GPHN: variants seen among roughly 807,000 people sequenced by gnomAD.
The protein encoded by GPHN is gephyrin.
Under a neutral mutation model 95.5 loss-of-function variants are expected in GPHN, and 17 were observed. The observed-to-expected ratio is 0.18, with a 90% CI of 0.12 to 0.27. The LOEUF is 0.27. GPHN is among the 10% of genes least tolerant of loss of function. The pLI, the probability that GPHN is intolerant of heterozygous loss-of-function variation, is 1.00. For synonymous variants in GPHN, 320 were observed against 322.5 expected (o/e 0.99, Z 0.08); for missense variants, 660 against 978.1 (o/e 0.67, Z 4.34).
chr14:67,381,568 A>C, the GPHN span: 1 of 1,590,026 alleles, frequency 6.3e-7, no homozygotes, highest in East Asian at 2.2e-5. Context: ...ATTTTTTATC[A>C]ACTTTTGAAT....
At chr14:66,760,677 T>C in intron 2 of GPHN, 1 of 433,434 alleles carries the variant, frequency 2.3e-6, no homozygotes, top group Non-Finnish European at 4.4e-6. Context: ...CCTCGCAAAG[T>C]TAGGTGAACC....
intron 9 of GPHN, among the ~76,000 whole-genome samples, chr14:67,009,770 T>A (rs1283208943): frequency 6.6e-6 from 1 of 152,050 alleles, no homozygotes; most frequent in East Asian, 1.9e-4. Context: ...TTTTTATTTG[T>A]TTCGTTTCTC....
rs568644192 is a variant in GPHN, at chr14:67,112,613, T to C, written c.1473-405T>C. On this transcript the variant is annotated intron_variant, in intron 15 of 22. Transcript: ENST00000478722. The stretch of plus-strand genomic sequence containing the variant: ...ATTCTCCTTGACAAAGCTAGCCAGC[T>C]GTGGACCTCTTATCATTAATGCCGC... 3.9e-5 allele frequency among the ~76,000 whole-genome samples: 6 copies of C among 152,306 alleles called. 1 individual carries two copies. The South Asian group carries it at 1.2e-3, about 32-fold the overall frequency.
chr14:67,697,170 G>T, the GPHN span, among the ~76,000 whole-genome samples: 3 of 152,182 alleles, frequency 2.0e-5, no homozygotes, highest in African/African-American at 7.2e-5. Context: ...TGCTCGCCCG[G>T]AGTTCATGGA....
At chr14:66,915,910 A>G (rs1019467710) in intron 5 of GPHN, 93 bp from the exon 6 acceptor site, 2 of 788,024 alleles carry the variant, frequency 2.5e-6, no homozygotes, top group Admixed American at 1.8e-5. Context: ...AGTTGTTCAC[A>G]TGTAAAGTAA....
At chr14:67,253,818 GC>G in the GPHN span, among the ~76,000 whole-genome samples, 1 of 151,138 alleles carries the variant, frequency 6.6e-6, no homozygotes, top group South Asian at 2.1e-4. Flanking sequence ...TTCAGTCTGG[GC>G]AACAGTGAGA....
the GPHN span, among the ~76,000 whole-genome samples, chr14:67,324,896 C>CCT: frequency 8.7e-6 from 1 of 114,454 alleles, no homozygotes; most frequent in Non-Finnish European, 1.7e-5. Flanking sequence ...GCCTTCCTTT[C>CCT]ATTTTTTTTT....
At chr14:67,345,911 A>G in the GPHN span, 1 of 1,291,458 alleles carries the variant, frequency 7.7e-7, no homozygotes, top group South Asian at 1.2e-5. Context: ...ATTAGAGTAA[A>G]ATATCTTCCC....
chr14:66,564,961 G>A (rs1412618407), intron 1 of GPHN, among the ~76,000 whole-genome samples: 1 of 152,118 alleles, frequency 6.6e-6, no homozygotes, highest in Non-Finnish European at 1.5e-5. Flanking sequence ...GGACTAGCAT[G>A]TATTTATGTT....
At chr14:66,974,426 T>C (rs970337766) in intron 9 of GPHN, among the ~76,000 whole-genome samples, 3 of 152,054 alleles carry the variant, frequency 2.0e-5, no homozygotes, top group Non-Finnish European at 4.4e-5. Flanking sequence ...TCCCCATCTA[T>C]TTCTAATTAT....
At chr14:67,558,221 C>T in the GPHN span, among the ~76,000 whole-genome samples, 1 of 152,188 alleles carries the variant, frequency 6.6e-6, no homozygotes, top group Non-Finnish European at 1.5e-5. Context: ...GCTTTCCCCT[C>T]GTGCCAGAAT....
At position 66,598,333 on chromosome 14, in the gene GPHN, T is replaced by G. The variant is rs74971704; in HGVS notation, c.65-82774T>G. On this transcript the variant is annotated intron_variant, in intron 1 of 22. Transcript: ENST00000478722. ...TAATGTATATGTTAAATAGCTTGATTTAGCCATTCTACAGGTATCAAAGCA... is the reference window on the plus strand; with the variant it reads ...TAATGTATATGTTAAATAGCTTGATGTAGCCATTCTACAGGTATCAAAGCA... 2.6e-5 allele frequency among the ~76,000 whole-genome samples: 4 copies of G among 152,266 alleles called. No homozygotes were observed. In the East Asian group the frequency reaches 7.7e-4, roughly 29 times the overall value.
the GPHN span, among the ~76,000 whole-genome samples, chr14:67,231,969 TAA>T: frequency 7.1e-5 from 10 of 140,596 alleles, no homozygotes; most frequent in Non-Finnish European, 6.3e-5. Flanking sequence ...ACTGTGTCTT[TAA>T]AAAAAAAAAA....
chr14:67,248,023 C>T, the GPHN span, among the ~76,000 whole-genome samples: 1 of 152,206 alleles, frequency 6.6e-6, no homozygotes, highest in Non-Finnish European at 1.5e-5. Flanking sequence ...TTTTTTAAAT[C>T]ATGAATAGAT....
the GPHN span, chr14:67,692,107 C>T: frequency 9.8e-6 from 2 of 205,014 alleles, no homozygotes; most frequent in African/African-American, 2.4e-5. Context: ...AGCTCCAGCT[C>T]TCAAAGGCCT....
At chr14:67,562,357 C>A in the GPHN span, 1 of 1,613,742 alleles carries the variant, frequency 6.2e-7, no homozygotes, top group Non-Finnish European at 8.5e-7. Flanking sequence ...CTAGTTCCAG[C>A]ACGGTCCATT....
At chr14:66,720,343 C>T (rs552662264) in intron 2 of GPHN, among the ~76,000 whole-genome samples, 1 of 152,218 alleles carries the variant, frequency 6.6e-6, no homozygotes, top group Admixed American at 6.5e-5. Context: ...CACATGAGAC[C>T]AAGAGTTCGA....
intron 21 of GPHN, among the ~76,000 whole-genome samples, chr14:67,177,203 T>A (rs1166661031): frequency 6.6e-6 from 1 of 152,208 alleles, no homozygotes; most frequent in Admixed American, 6.5e-5. Flanking sequence ...CTGCTTTTTC[T>A]TGTGGGCATT....
chr14:66,529,074 A>C (rs750695077), intron 1 of GPHN, among the ~76,000 whole-genome samples: 1 of 152,008 alleles, frequency 6.6e-6, no homozygotes, highest in Admixed American at 6.5e-5. Context: ...ACTTTGTTCC[A>C]TTCTCCCCAT....
Sources: allele counts gnomAD v4.1 joint callset (sites outside exome capture counted in the v4.1 genomes callset), GRCh38; gene constraint gnomAD v4.1.1; transcripts MANE v1.5; gene names NCBI Gene and HGNC (gene_info 2026-07-23, HGNC 2026-07-21).